The following AGBL4 variants were observed in gnomAD, a reference collection of about 807,000 sequenced individuals.
AGBL4 encodes the protein AGBL carboxypeptidase 4, also known as cytosolic carboxypeptidase 6.
A neutral mutation model predicts 66.4 loss-of-function variants in AGBL4; 58 were observed. That is an observed-to-expected ratio of 0.87 (90% CI 0.71 to 1.09). The LOEUF is 1.09. Ranked by LOEUF, AGBL4 falls within the 50% of genes least tolerant of loss-of-function variation. The probability of loss-of-function intolerance (pLI) is 0.00; values close to 1 mark genes in which losing one functional copy is unlikely to be tolerated. For missense variants in AGBL4, 579 were observed against 631.0 expected (o/e 0.92, Z 0.88); for synonymous variants, 234 against 222.9 (o/e 1.05, Z -0.44).
chr1:49,995,106 C>A, intron 1 of AGBL4: 5 of 456,004 alleles, frequency 1.1e-5, no homozygotes, highest in South Asian at 4.6e-5. Context: ...AACTTTGTAA[C>A]AATTTCAAGT....
At chr1:49,285,540 T>G (rs1205816621) in intron 3 of AGBL4, among the ~76,000 whole-genome samples, 3 of 151,616 alleles carry the variant, frequency 2.0e-5, no homozygotes, top group African/African-American at 7.3e-5. Context: ...CAGAAGGAAA[T>G]AGAGACACAA....
intron 2 of AGBL4, among the ~76,000 whole-genome samples, chr1:49,714,516 A>G (rs1647927548): frequency 6.6e-6 from 1 of 151,230 alleles, no homozygotes; most frequent in South Asian, 2.1e-4. Context: ...AGTTCCATCT[A>G]TGCTGCTACA....
At chr1:49,212,143 C>T (rs575306234) in intron 4 of AGBL4, among the ~76,000 whole-genome samples, 2 of 152,170 alleles carry the variant, frequency 1.3e-5, no homozygotes, top group South Asian at 4.1e-4. Context: ...ACAGTATTTC[C>T]TCTATTCACA....
chr1:49,166,759 C>T (rs1313910818), intron 4 of AGBL4, among the ~76,000 whole-genome samples: 1 of 152,118 alleles, frequency 6.6e-6, no homozygotes, highest in Non-Finnish European at 1.5e-5. Context: ...TTCTGTTCAG[C>T]TTTTACTTCA....
intron 3 of AGBL4, among the ~76,000 whole-genome samples, chr1:49,582,295 G>A (rs1402273456): frequency 6.6e-6 from 1 of 152,126 alleles, no homozygotes; most frequent in Non-Finnish European, 1.5e-5. Flanking sequence ...TGGGGGAGGG[G>A]TAACAGCCCC....
At chr1:49,503,271 T>C (rs1648352485) in intron 3 of AGBL4, among the ~76,000 whole-genome samples, 1 of 152,144 alleles carries the variant, frequency 6.6e-6, no homozygotes, top group Non-Finnish European at 1.5e-5. Context: ...GAACTGAGGT[T>C]TGGGAACCTT....
intron 1 of AGBL4, among the ~76,000 whole-genome samples, chr1:50,019,306 T>TCTCACACACACACACACA (rs1167835143): frequency 4.7e-4 from 23 of 48,434 alleles, no homozygotes; most frequent in South Asian, 1.6e-3. Context: ...TCTCTCTCTC[T>TCTCACACACACACACACA]CACACACACA....
At chr1:48,930,291 T>G (rs1431254539) in intron 5 of AGBL4, among the ~76,000 whole-genome samples, 1 of 152,122 alleles carries the variant, frequency 6.6e-6, no homozygotes, top group Non-Finnish European at 1.5e-5. Context: ...TTCTACTTTT[T>G]TCTTCCCCAA....
chr1:48,880,915 T>C (rs896269681), intron 5 of AGBL4, among the ~76,000 whole-genome samples: 1 of 152,222 alleles, frequency 6.6e-6, no homozygotes, highest in African/African-American at 2.4e-5. Context: ...TACATAGTCA[T>C]CGTGAATGTT....
intron 4 of AGBL4, among the ~76,000 whole-genome samples, chr1:49,160,351 G>A (rs540661723): frequency 3.3e-5 from 5 of 152,246 alleles, no homozygotes; most frequent in African/African-American, 1.2e-4. Context: ...GTTTGCTGGA[G>A]GTCCACTCCA....
chr1:49,905,094 C>A (rs1424911624), intron 1 of AGBL4, among the ~76,000 whole-genome samples: 2 of 152,050 alleles, frequency 1.3e-5, no homozygotes, highest in Non-Finnish European at 2.9e-5. Context: ...TATTTTCAGG[C>A]AAAGCATCAT....
intron 9 of AGBL4, among the ~76,000 whole-genome samples, chr1:48,623,437 T>C (rs563149693): frequency 6.6e-6 from 1 of 152,226 alleles, no homozygotes; most frequent in East Asian, 1.9e-4. Context: ...AATTTCCTGA[T>C]AGAAGGTTAA....
chr1:49,667,819 AAAG>A (rs914073227), intron 3 of AGBL4, among the ~76,000 whole-genome samples: 2 of 152,206 alleles, frequency 1.3e-5, no homozygotes, highest in African/African-American at 4.8e-5. Context: ...AGATTAAACA[AAAG>A]AAGAGGAATG....
At chr1:49,209,780 A>G (rs1280859299) in intron 4 of AGBL4, among the ~76,000 whole-genome samples, 1 of 152,144 alleles carries the variant, frequency 6.6e-6, no homozygotes, top group Non-Finnish European at 1.5e-5. Context: ...GAAAAGGATC[A>G]ACATAATCTG....
At chr1:49,569,797 A>G (rs1261699903) in intron 3 of AGBL4, among the ~76,000 whole-genome samples, 2 of 152,082 alleles carry the variant, frequency 1.3e-5, no homozygotes, top group Admixed American at 1.3e-4. Flanking sequence ...CCATATGTAT[A>G]CATTATTTAG....
At chr1:49,409,722 A>T (rs954567865) in intron 3 of AGBL4, among the ~76,000 whole-genome samples, 5 of 152,172 alleles carry the variant, frequency 3.3e-5, no homozygotes, top group South Asian at 2.1e-4. Flanking sequence ...ATTTCAAAGG[A>T]TTTATTTTTA....
intron 2 of AGBL4, among the ~76,000 whole-genome samples, chr1:49,785,892 A>AT (rs1557444526): frequency 5.0e-4 from 45 of 90,862 alleles, no homozygotes; most frequent in Admixed American, 1.3e-3. Flanking sequence ...AGGAAAAAAA[A>AT]AATATATATA....
In AGBL4 at chr1:49,170,429, TATAA is replaced by T. The variant is rs1002518092; in HGVS notation, c.377+75337_377+75340del. 2.6e-3 allele frequency among the ~76,000 whole-genome samples: 367 copies of T among 142,706 alleles called. 3 individuals are homozygous for T. The highest frequency in any genetic ancestry group is 8.8e-3 in the African/African-American group (349 of 39,696). 93.6% of individuals were successfully genotyped at this position (142,706 alleles called of 152,430 possible). ...ATATATTTATGTAAAAATATTTATA[TATAA>T]ATAAATATATATGTTTATATAATAT... On this transcript the variant is annotated intron_variant, in intron 4 of 13. Coordinates refer to ENST00000371839, the MANE Select transcript of AGBL4 (RefSeq NM_032785.4).
Position 48,790,767 on chromosome 1 carries a change from A to G in AGBL4, c.634+76424T>C, listed in dbSNP as rs568268550. Among the ~76,000 whole-genome samples the G allele has an allele frequency of 3.9e-5, 6 of 152,242 alleles. No individual in the cohort carries two copies. In the South Asian group the frequency reaches 1.2e-3, roughly 32 times the overall value. On this transcript the variant is annotated intron_variant, in intron 6 of 13. Coordinates refer to ENST00000371839, the MANE Select transcript of AGBL4 (RefSeq NM_032785.4). Reference sequence around the variant, plus strand: ...ATATCATTATCTCAGGAGTGAGCTCATTATTGCAAGAGTGAGTTTGTTATA... The same window carrying G: ...ATATCATTATCTCAGGAGTGAGCTCGTTATTGCAAGAGTGAGTTTGTTATA...
Sources: allele counts gnomAD v4.1 joint callset (sites outside exome capture counted in the v4.1 genomes callset), GRCh38; gene constraint gnomAD v4.1.1; transcripts MANE v1.5; gene names NCBI Gene and HGNC (gene_info 2026-07-23, HGNC 2026-07-21).